The following ADAM12 variants were observed in gnomAD, a reference collection of about 807,000 sequenced individuals.
The protein encoded by ADAM12 is disintegrin and metalloproteinase domain-containing protein 12.
Under a neutral mutation model 106.4 loss-of-function variants are expected in ADAM12, and 70 were observed. That is an observed-to-expected ratio of 0.66 (90% CI 0.54 to 0.80). The LOEUF is 0.80. Among genes scored for constraint, ADAM12 ranks in the 30% least tolerant of loss-of-function variants. The pLI, the probability that ADAM12 is intolerant of heterozygous loss-of-function variation, is 0.00. For synonymous variants in ADAM12, 420 were observed against 433.5 expected (o/e 0.97, Z 0.39); for missense variants, 1,010 against 1,171.9 (o/e 0.86, Z 2.02).
chr10:126,289,507 G>A (rs924068703), intron 2 of ADAM12, among the ~76,000 whole-genome samples: 1 of 152,194 alleles, frequency 6.6e-6, no homozygotes, highest in South Asian at 2.1e-4. Flanking sequence ...GGCTGATGAG[G>A]AGGTGTGCTC....
At chr10:126,320,747 T>C (rs974326973) in intron 2 of ADAM12, among the ~76,000 whole-genome samples, 8 of 152,192 alleles carry the variant, frequency 5.3e-5, no homozygotes, top group African/African-American at 1.9e-4. Flanking sequence ...GGAAGTTATA[T>C]GTTCTTCCAA....
At chr10:126,083,029 A>G (rs961688391) in intron 11 of ADAM12, among the ~76,000 whole-genome samples, 6 of 152,218 alleles carry the variant, frequency 3.9e-5, no homozygotes, top group Non-Finnish European at 7.3e-5. Flanking sequence ...GGGCGGTGGC[A>G]TTTGTACTCG....
chr10:126,178,408 C>CTTTTT (rs10549268), intron 3 of ADAM12, among the ~76,000 whole-genome samples: 20 of 103,896 alleles, frequency 1.9e-4, no homozygotes, highest in African/African-American at 3.7e-4. Context: ...TGGAGGACAT[C>CTTTTT]TTTTTTTTTT....
chr10:126,190,673 C>T (rs7912236), intron 3 of ADAM12, among the ~76,000 whole-genome samples: 42,194 of 151,932 alleles, frequency 0.28, 7,813 homozygotes, highest in East Asian at 0.51. Flanking sequence ...TCTATGAAAG[C>T]GACAAACACA....
chr10:126,264,833 A>G (rs912956138), intron 3 of ADAM12, among the ~76,000 whole-genome samples: 1 of 152,184 alleles, frequency 6.6e-6, no homozygotes, highest in Non-Finnish European at 1.5e-5. Flanking sequence ...CCTACTAGCA[A>G]CACTGGAACC....
At chr10:126,230,140 C>T (rs1254224084) in intron 3 of ADAM12, among the ~76,000 whole-genome samples, 1 of 152,160 alleles carries the variant, frequency 6.6e-6, no homozygotes, top group Admixed American at 6.5e-5. Flanking sequence ...GGTTCCTTTT[C>T]TGTGTGATCT....
At chr10:126,177,562 C>A (rs1345630025) in intron 3 of ADAM12, among the ~76,000 whole-genome samples, 1 of 152,158 alleles carries the variant, frequency 6.6e-6, no homozygotes, top group Non-Finnish European at 1.5e-5. Flanking sequence ...TTCAAGGTTT[C>A]CTACTGAAGA....
intron 1 of ADAM12, among the ~76,000 whole-genome samples, chr10:126,339,847 C>CTTTTTTTTTTTTT (rs146232567): frequency 1.3e-5 from 1 of 75,710 alleles, no homozygotes; most frequent in Non-Finnish European, 2.3e-5. Flanking sequence ...CATTCTAGGG[C>CTTTTTTTTTTTTT]TTTTTTTTTT....
In ADAM12 at chr10:126,053,426, C is replaced by T. The variant is rs138727792; in HGVS notation, c.1610-3757G>A. On this transcript the variant is annotated intron_variant, in intron 14 of 22. Coordinates refer to ENST00000448723, the MANE Select transcript of ADAM12 (RefSeq NM_001288973.2). This position sits in a 1 kb window ranked among gnomAD's most constrained non-coding sequence, Gnocchi z 4.6. The stretch of plus-strand genomic sequence containing the variant: ...GATGCAATGCCTTGTTTACCAATAA[C>T]GCAGAAGCATGGTACACGCCCCAGC... 6.6e-3 allele frequency among the ~76,000 whole-genome samples: 1,000 copies of T among 152,188 alleles called. 10 individuals carry two copies. Among genetic ancestry groups the T allele is most frequent in the African/African-American group, 0.023 (948 of 41,516 alleles).
chr10:126,387,567 G>A (rs1856709001), intron 1 of ADAM12, among the ~76,000 whole-genome samples: 1 of 152,154 alleles, frequency 6.6e-6, no homozygotes, highest in Admixed American at 6.5e-5. Context: ...CACCTGCGGA[G>A]GAGGGGGCTG....
chr10:126,202,268 A>G (rs1051876337), intron 3 of ADAM12, among the ~76,000 whole-genome samples: 1 of 152,230 alleles, frequency 6.6e-6, no homozygotes, highest in Non-Finnish European at 1.5e-5. Flanking sequence ...AACAGGGCAT[A>G]CCATAATTGT....
intron 1 of ADAM12, among the ~76,000 whole-genome samples, chr10:126,365,887 T>C (rs1487252652): frequency 1.3e-5 from 2 of 152,166 alleles, no homozygotes; most frequent in African/African-American, 4.8e-5. Context: ...ACTCCTGTCT[T>C]AAATCACCTG....
At chr10:126,387,622 G>C (rs1310969468) in intron 1 of ADAM12, among the ~76,000 whole-genome samples, 1 of 150,820 alleles carries the variant, frequency 6.6e-6, no homozygotes, top group East Asian at 1.9e-4. Context: ...TGTGTTAGCG[G>C]GGGAGGCGGG....
intron 3 of ADAM12, among the ~76,000 whole-genome samples, chr10:126,233,185 C>T (rs1196597319): frequency 6.6e-6 from 1 of 152,044 alleles, no homozygotes; most frequent in Non-Finnish European, 1.5e-5. Context: ...GGGAGAAGAA[C>T]AGCCAAGGGC....
intron 3 of ADAM12, among the ~76,000 whole-genome samples, chr10:126,212,848 AC>A (rs1249692363): frequency 6.6e-6 from 1 of 152,170 alleles, no homozygotes; most frequent in Non-Finnish European, 1.5e-5. Flanking sequence ...GCTTGGTCCT[AC>A]CACCTGCCTT....
chr10:126,321,999 A>C (rs767540345), intron 2 of ADAM12, among the ~76,000 whole-genome samples: 1 of 151,782 alleles, frequency 6.6e-6, no homozygotes, highest in Non-Finnish European at 1.5e-5. Flanking sequence ...TGGAATATCT[A>C]GTCTAGGGGT....
At chr10:126,131,791 G>A (rs981384979) in intron 5 of ADAM12, among the ~76,000 whole-genome samples, 1 of 152,190 alleles carries the variant, frequency 6.6e-6, no homozygotes. Flanking sequence ...ATGGTATTTT[G>A]CTATGGCAGC....
chr10:126,221,577 A>G (rs1393644802), intron 3 of ADAM12, among the ~76,000 whole-genome samples: 1 of 152,140 alleles, frequency 6.6e-6, no homozygotes, highest in Non-Finnish European at 1.5e-5. Context: ...ACATGTGGAC[A>G]AGGTTAAAAT....
At chr10:126,065,036 C>G (rs369750537) in intron 13 of ADAM12, 35 bp from the exon 14 acceptor site, 3 of 1,574,430 alleles carry the variant, frequency 1.9e-6, no homozygotes, top group African/African-American at 2.7e-5. Context: ...CACATGCACC[C>G]GGGGAAAGGG....
Sources: gnomAD v4.1 joint callset for allele counts (sites outside exome capture counted in the v4.1 genomes callset) on GRCh38, gnomAD v4.1.1 for gene constraint, Gnocchi (gnomAD v3.1) non-coding constraint, MANE v1.5 for transcripts, NCBI Gene and HGNC (gene_info 2026-07-23, HGNC 2026-07-21) for gene names.